The following GIGYF2 variants were observed in gnomAD, a reference collection of about 807,000 sequenced individuals.
GIGYF2 encodes GRB10-interacting GYF protein 2.
Under a neutral mutation model 208.1 loss-of-function variants are expected in GIGYF2, and 25 were observed. That is an observed-to-expected ratio of 0.12 (90% CI 0.09 to 0.17). The LOEUF is 0.17. Among genes scored for constraint, GIGYF2 ranks in the 10% least tolerant of loss-of-function variants. The pLI is 1.00. For synonymous variants in GIGYF2, 534 were observed against 543.8 expected (o/e 0.98, Z 0.25); for missense variants, 1,302 against 1,579.4 (o/e 0.82, Z 2.98).
rs954294192 is a variant in GIGYF2, at chr2:232,857,522, TTA to T, written c.*664_*665del. ...CTGAGTGTCCTTTCTCTGAAAGGATTTATGTTTTTCTTCGTTAGATAGTGACT... is the reference window on the plus strand; with the variant it reads ...CTGAGTGTCCTTTCTCTGAAAGGATTTGTTTTTCTTCGTTAGATAGTGACT... On this transcript the variant is annotated 3_prime_UTR_variant, in exon 29 of 29. Coordinates refer to ENST00000373563, the MANE Select transcript of GIGYF2 (RefSeq NM_001103146.3). 4.5e-5 allele frequency: 7 copies of T among 153,868 alleles called. No homozygotes were observed. The highest frequency in any genetic ancestry group is 1.7e-4 in the African/African-American group (7 of 41,448). The allele number at this position is 153,868 out of a possible 1,614,324, so 9.5% of individuals were successfully genotyped here.
chr2:232,743,858 T>C (rs1698055342), intron 3 of GIGYF2, among the ~76,000 whole-genome samples: 1 of 152,144 alleles, frequency 6.6e-6, no homozygotes, highest in Non-Finnish European at 1.5e-5. Flanking sequence ...GTATTTTTTA[T>C]TTTTTGGAGA....
chr2:232,774,166 G>A (rs183160134), intron 8 of GIGYF2, among the ~76,000 whole-genome samples: 1 of 151,890 alleles, frequency 6.6e-6, no homozygotes, highest in Non-Finnish European at 1.5e-5. Flanking sequence ...GGTAGTAAGT[G>A]GTGGATATGA....
chr2:232,715,582 A>C (rs1390550171), intron 2 of GIGYF2, among the ~76,000 whole-genome samples: 1 of 148,416 alleles, frequency 6.7e-6, no homozygotes, highest in Non-Finnish European at 1.5e-5. Flanking sequence ...CTTTCTGGGA[A>C]AAAAAAAAAA....
intron 14 of GIGYF2, among the ~76,000 whole-genome samples, chr2:232,804,949 T>G (rs1700514316): frequency 6.6e-6 from 1 of 152,134 alleles, no homozygotes; most frequent in African/African-American, 2.4e-5. Context: ...TTCTTGGTGG[T>G]CAAAGAAACA....
rs529767470 is a variant in GIGYF2 at position 232,815,567 on chromosome 2, G to T, written c.2108-70G>T. 3.5e-5 allele frequency: 31 copies of T among 880,324 alleles called. No individual in the cohort carries two copies. The East Asian group carries it at 7.3e-4, about 21-fold the overall frequency. 54.5% of individuals were successfully genotyped at this position (880,324 alleles called of 1,614,324 possible). ...GGCACAGGGAAGCAGCTTTTTTCAT[G>T]ATTCCTACGGATATGTCACCATGTG... On this transcript the variant is annotated intron_variant, in intron 18 of 28. Transcript: ENST00000373563.
At chr2:232,848,071 T>C (rs912002718) in intron 27 of GIGYF2, among the ~76,000 whole-genome samples, 5 of 152,204 alleles carry the variant, frequency 3.3e-5, no homozygotes, top group African/African-American at 1.2e-4. Flanking sequence ...GAACCATTGC[T>C]CCTAGGGGAT....
chr2:232,822,862 A>G (rs1370724111), intron 21 of GIGYF2, among the ~76,000 whole-genome samples: 2 of 152,342 alleles, frequency 1.3e-5, no homozygotes, highest in East Asian at 3.9e-4. Context: ...ATTGATAAAT[A>G]GGAGCAGTTT....
chr2:232,734,109 CTTTTTT>C (rs35593823), intron 2 of GIGYF2, among the ~76,000 whole-genome samples: 3 of 122,468 alleles, frequency 2.4e-5, no homozygotes, highest in East Asian at 2.4e-4. Context: ...TATTTTAAAA[CTTTTTT>C]TTTTTTTTTT....
At chr2:232,780,521 T>G (rs751402251) in intron 8 of GIGYF2, among the ~76,000 whole-genome samples, 3 of 152,238 alleles carry the variant, frequency 2.0e-5, no homozygotes, top group Non-Finnish European at 2.9e-5. Context: ...CCTTTAAAAT[T>G]CTGACGAAAG....
At chr2:232,784,919 G>A (rs1699863268) in intron 8 of GIGYF2, among the ~76,000 whole-genome samples, 1 of 151,828 alleles carries the variant, frequency 6.6e-6, no homozygotes, top group African/African-American at 2.4e-5. Flanking sequence ...CAAGAGTCTG[G>A]GATCTCTGTC....
At chr2:232,851,413 A>ATTTTTTTTTTTTTTTT (rs5839451) in intron 28 of GIGYF2, among the ~76,000 whole-genome samples, 8 of 149,072 alleles carry the variant, frequency 5.4e-5, no homozygotes, top group Non-Finnish European at 3.0e-5. Context: ...TGAAACTAAC[A>ATTTTTTTTTTTTTTTT]TTTTTTTTTT....
At chr2:232,704,935 C>T (rs1421154343) in intron 2 of GIGYF2, among the ~76,000 whole-genome samples, 1 of 142,744 alleles carries the variant, frequency 7.0e-6, no homozygotes, top group Non-Finnish European at 1.5e-5. Context: ...TCTCTGCTCA[C>T]TGCAAGCTCC....
chr2:232,707,347 T>A (rs904611926), intron 2 of GIGYF2, among the ~76,000 whole-genome samples: 8 of 152,188 alleles, frequency 5.3e-5, no homozygotes, highest in Non-Finnish European at 1.0e-4. Flanking sequence ...TTTGTGAGGT[T>A]TAAAATTCCT....
chr2:232,724,633 G>C (rs1323372984), intron 2 of GIGYF2: 1 of 152,012 alleles, frequency 6.6e-6, no homozygotes, highest in African/African-American at 2.4e-5. Context: ...ACTCACTGGA[G>C]CCCTGATCTA....
chr2:232,841,285 C>T (rs969224510), intron 23 of GIGYF2, among the ~76,000 whole-genome samples: 3 of 151,756 alleles, frequency 2.0e-5, no homozygotes, highest in Admixed American at 6.6e-5. Context: ...TTATTTCATT[C>T]GTGTTTTCTT....
chr2:232,845,153 A>G (rs1442092236), intron 25 of GIGYF2, among the ~76,000 whole-genome samples: 2 of 152,220 alleles, frequency 1.3e-5, no homozygotes, highest in Non-Finnish European at 1.5e-5. Flanking sequence ...CAGTTCCCTC[A>G]TCGGTAAAAT....
Position 232,791,015 on chromosome 2 carries a change from A to G in GIGYF2, c.938A>G (p.Gln313Arg). ...TTTATTCTCTTTCTACAGAAAGTAC[A>G]GAAAGAGCCTATTCCAGAAGAGCAG... Reference protein sequence around the residue: ...SGAFLSLKKVQKEPIPEEQEM... With the variant: ...SGAFLSLKKVRKEPIPEEQEM... The change falls in exon 11 of 29, where the codon CAG (glutamine) becomes CGG (arginine). Residue 313 changes from glutamine (Q) to arginine (R), a missense_variant. By Grantham distance (43) the Gln-to-Arg change is conservative (BLOSUM62 1). This residue lies in a region of GIGYF2 where 235 missense variants were observed against 218.8 expected (regional missense o/e 1.07). Coordinates refer to ENST00000373563, the MANE Select transcript of GIGYF2 (RefSeq NM_001103146.3). 4 of 1,614,126 alleles carry G rather than the reference A, an allele frequency of 2.5e-6. No homozygotes were observed. The South Asian group carries it at 3.3e-5, about 13-fold the overall frequency.
At chr2:232,751,351 A>G (rs909121921) in intron 5 of GIGYF2, among the ~76,000 whole-genome samples, 5 of 151,974 alleles carry the variant, frequency 3.3e-5, no homozygotes, top group African/African-American at 1.2e-4. Flanking sequence ...AGTAGCTGGG[A>G]TTACAGGCGT....
intron 5 of GIGYF2, among the ~76,000 whole-genome samples, chr2:232,749,662 G>A (rs1027994926): frequency 6.6e-5 from 10 of 152,128 alleles, no homozygotes; most frequent in African/African-American, 2.4e-4. Context: ...TATGATAACT[G>A]TAGAAAAATG....
Sources: allele counts gnomAD v4.1 joint callset (sites outside exome capture counted in the v4.1 genomes callset), GRCh38; gene constraint gnomAD v4.1.1; regional missense constraint gnomAD v4.1.1; transcripts MANE v1.5; gene names NCBI Gene and HGNC (gene_info 2026-07-23, HGNC 2026-07-21).